Variants in TRIO observed in about 807,000 individuals in gnomAD.
TRIO encodes trio Rho guanine nucleotide exchange factor.
Under a neutral mutation model 351.9 loss-of-function variants are expected in TRIO, and 58 were observed. That is an observed-to-expected ratio of 0.16 (90% CI 0.13 to 0.21). The LOEUF (loss-of-function observed/expected upper bound fraction) is 0.21, where lower values mean the gene tolerates loss of function less well. Among genes scored for constraint, TRIO ranks in the 10% least tolerant of loss-of-function variants. The pLI, the probability that TRIO is intolerant of heterozygous loss-of-function variation, is 1.00. For synonymous variants in TRIO, 1,758 were observed against 1,595.7 expected, an observed-to-expected ratio of 1.10 and a Z score of -2.42; for missense variants, 3,201 against 4,027.8, an observed-to-expected ratio of 0.79 and a Z score of 5.56.
Position 14,220,679 on chromosome 5 carries a change from T to C in TRIO, c.158-50146T>C, listed in dbSNP as rs535412588. The stretch of plus-strand genomic sequence containing the variant: ...AAGTTTTAGTGGTCTGGATAGAAGA[T>C]CTAGCCAGCCACAGCATTCCCTTTA... On this transcript the variant is annotated intron_variant, in intron 1 of 56. Transcript: ENST00000344204. 8.5e-5 allele frequency among the ~76,000 whole-genome samples: 13 copies of C among 152,320 alleles called. No individual in the cohort carries two copies. The South Asian group carries it at 2.5e-3, about 29-fold the overall frequency.
At chr5:14,461,342 G>C (rs756214206) in intron 35 of TRIO, 31 bp downstream of exon 35, 2 of 1,496,454 alleles carry the variant, frequency 1.3e-6, no homozygotes, top group East Asian at 2.4e-5. Flanking sequence ...TGGGGCCGGC[G>C]TGGCGGGGCC....
At chr5:14,456,975 C>T (rs142252644) in intron 34 of TRIO, among the ~76,000 whole-genome samples, 1 of 152,112 alleles carries the variant, frequency 6.6e-6, no homozygotes, top group African/African-American at 2.4e-5. Flanking sequence ...TAGACATGGG[C>T]TGTTACATTC....
intron 8 of TRIO, among the ~76,000 whole-genome samples, chr5:14,312,402 C>T (rs1329955364): frequency 6.6e-6 from 1 of 152,142 alleles, no homozygotes; most frequent in East Asian, 1.9e-4. Flanking sequence ...TTGCATTTTT[C>T]TGAACTCATT....
intron 28 of TRIO, among the ~76,000 whole-genome samples, chr5:14,396,412 T>C (rs1267470811): frequency 2.7e-5 from 4 of 146,744 alleles, no homozygotes; most frequent in African/African-American, 1.0e-4. Flanking sequence ...GCTGATGGTG[T>C]GTTACATAAT....
Position 14,215,959 on chromosome 5 carries a change from TAATC to T in TRIO, c.158-54863_158-54860del, listed in dbSNP as rs895631324. Among the ~76,000 whole-genome samples the T allele has an allele frequency of 1.6e-3, 240 of 152,364 alleles. 1 individual carries two copies. The highest frequency in any genetic ancestry group is 5.7e-3 in the African/African-American group (237 of 41,590). On this transcript the variant is annotated intron_variant, in intron 1 of 56. Transcript: ENST00000344204. ...AAATTTGAATTCCATCCCCTCCACTTAATCAAGCCGTTTGATCTTAGCCATGCTG... is the reference window on the plus strand; with the variant it reads ...AAATTTGAATTCCATCCCCTCCACTTAAGCCGTTTGATCTTAGCCATGCTG...
At chr5:14,241,282 A>T (rs577555544) in intron 1 of TRIO, among the ~76,000 whole-genome samples, 33 of 152,216 alleles carry the variant, frequency 2.2e-4, no homozygotes, top group Non-Finnish European at 3.8e-4. Flanking sequence ...TATGAGTATC[A>T]TGAATCTGCC....
At chr5:14,204,378 G>A (rs2152179299) in intron 1 of TRIO, among the ~76,000 whole-genome samples, 1 of 152,232 alleles carries the variant, frequency 6.6e-6, no homozygotes, top group Non-Finnish European at 1.5e-5. Context: ...TCACAGAGGA[G>A]GAAGAGTGTG....
intron 8 of TRIO, among the ~76,000 whole-genome samples, chr5:14,305,283 C>T (rs527832533): frequency 1.1e-4 from 17 of 152,352 alleles, no homozygotes; most frequent in African/African-American, 3.6e-4. Flanking sequence ...TGCCATACCA[C>T]GTGGTAGCTG....
chr5:14,253,586 G>A (rs1036220099), intron 1 of TRIO, among the ~76,000 whole-genome samples: 4 of 152,114 alleles, frequency 2.6e-5, no homozygotes, highest in Non-Finnish European at 5.9e-5. Flanking sequence ...TGATCTGCCC[G>A]CCTTGGCCTC....
chr5:14,288,633 C>T (rs571272461), intron 4 of TRIO, among the ~76,000 whole-genome samples: 2 of 151,358 alleles, frequency 1.3e-5, no homozygotes, highest in South Asian at 2.1e-4. Flanking sequence ...TGCCGCTGCA[C>T]TCCAGCCTGG....
chr5:14,273,461 T>G (rs1222719595), intron 2 of TRIO, among the ~76,000 whole-genome samples: 1 of 152,242 alleles, frequency 6.6e-6, no homozygotes, highest in Non-Finnish European at 1.5e-5. Context: ...TTACTGACTT[T>G]GTGTTTGAAG....
At chr5:14,387,404 T>C in intron 21 of TRIO, 34 bp from the exon 22 acceptor site, 1 of 1,563,582 alleles carries the variant, frequency 6.4e-7, no homozygotes, top group Non-Finnish European at 8.7e-7. Flanking sequence ...TCGGATTCAT[T>C]TGCCTCACAA....
At chr5:14,388,995 G>A (rs1746810691) in intron 24 of TRIO, among the ~76,000 whole-genome samples, 1 of 152,076 alleles carries the variant, frequency 6.6e-6, no homozygotes, top group Non-Finnish European at 1.5e-5. Flanking sequence ...AATTATGACT[G>A]GCAACTAATA....
chr5:14,184,901 T>C (rs575981086), intron 1 of TRIO, among the ~76,000 whole-genome samples: 2 of 152,260 alleles, frequency 1.3e-5, no homozygotes, highest in East Asian at 3.9e-4. Flanking sequence ...ATTAATCACG[T>C]TTAGTGTTCT....
At chr5:14,387,324 A>G (rs555318700) in intron 21 of TRIO, 114 bp from the exon 22 acceptor site, 26 of 1,085,742 alleles carry the variant, frequency 2.4e-5, no homozygotes, top group Non-Finnish European at 3.2e-5. Flanking sequence ...AGTTTCTACC[A>G]TCAGCCGGTT....
At chr5:14,300,718 A>G (rs868463708) in intron 7 of TRIO, among the ~76,000 whole-genome samples, 1 of 152,146 alleles carries the variant, frequency 6.6e-6, no homozygotes, top group Admixed American at 6.5e-5. Context: ...GATAATCTGT[A>G]TGGGGAGGGA....
At chr5:14,496,014 C>T (rs1207338785) in intron 49 of TRIO, among the ~76,000 whole-genome samples, 1 of 152,182 alleles carries the variant, frequency 6.6e-6, no homozygotes, top group East Asian at 1.9e-4. Context: ...CAACTACCAC[C>T]TTGATCAGTC....
chr5:14,205,702 G>T (rs926261991), intron 1 of TRIO, among the ~76,000 whole-genome samples: 1 of 152,076 alleles, frequency 6.6e-6, no homozygotes, highest in Non-Finnish European at 1.5e-5. Flanking sequence ...AACATTATAC[G>T]CATACAAATA....
chr5:14,197,329 C>T (rs550083925), intron 1 of TRIO, among the ~76,000 whole-genome samples: 14 of 152,280 alleles, frequency 9.2e-5, no homozygotes, highest in Middle Eastern at 3.4e-3. Context: ...TCCCCAGCTC[C>T]GTCCTCAGCC....
Sources: allele counts gnomAD v4.1 joint callset (sites outside exome capture counted in the v4.1 genomes callset), GRCh38; gene constraint gnomAD v4.1.1; transcripts MANE v1.5; gene names NCBI Gene and HGNC (gene_info 2026-07-23, HGNC 2026-07-21).